SLIT2: variants seen among roughly 807,000 people sequenced by gnomAD.
SLIT2 encodes slit guidance ligand 2, also known as slit homolog 2 protein.
SLIT2 carries 41 observed loss-of-function variants against 185.7 expected under a neutral mutation model. The observed-to-expected ratio is 0.22, with a 90% CI of 0.17 to 0.29. The LOEUF (loss-of-function observed/expected upper bound fraction) is 0.29, where lower values mean the gene tolerates loss of function less well. Ranked by LOEUF, SLIT2 falls within the 10% of genes least tolerant of loss-of-function variation. The pLI is 1.00. For missense variants in SLIT2, 1,571 were observed against 1,909.0 expected (o/e 0.82, Z 3.30); for synonymous variants, 693 against 680.2 (o/e 1.02, Z -0.29).
Position 20,461,721 on chromosome 4 carries a change from C to T in SLIT2, c.396-6031C>T, listed in dbSNP as rs191440209. ...CAGATTGTAGAAGATTGTGATATGT[C>T]AGTGAGAACTCCAGAGTTTTTGGTC... On this transcript the variant is annotated intron_variant, in intron 4 of 36. Transcript: ENST00000504154. 1.3e-4 allele frequency among the ~76,000 whole-genome samples: 20 copies of T among 152,256 alleles called. 1 individual carries two copies. In the East Asian group the frequency reaches 3.7e-3, roughly 28 times the overall value.
At chr4:20,587,434 C>G (rs1727153643) in intron 29 of SLIT2, among the ~76,000 whole-genome samples, 1 of 152,152 alleles carries the variant, frequency 6.6e-6, no homozygotes, top group African/African-American at 2.4e-5. Flanking sequence ...TGCTATTTTG[C>G]TACTCTTGGA....
intron 4 of SLIT2, among the ~76,000 whole-genome samples, chr4:20,333,732 A>T (rs978191246): frequency 2.0e-5 from 3 of 152,200 alleles, no homozygotes; most frequent in Non-Finnish European, 4.4e-5. Context: ...AGCCATAGAC[A>T]GTTCCTTTAT....
intron 4 of SLIT2, among the ~76,000 whole-genome samples, chr4:20,395,397 A>C (rs1031611367): frequency 6.6e-6 from 1 of 152,028 alleles, no homozygotes; most frequent in African/African-American, 2.4e-5. Flanking sequence ...GTTCAAATGC[A>C]TAGGCAGGAA....
intron 18 of SLIT2, among the ~76,000 whole-genome samples, chr4:20,537,308 G>A (rs573521706): frequency 2.0e-4 from 30 of 152,232 alleles, no homozygotes; most frequent in African/African-American, 6.3e-4. Flanking sequence ...TGATGGCCAT[G>A]ACATCTCGAG....
intron 3 of SLIT2, among the ~76,000 whole-genome samples, chr4:20,261,091 C>T (rs770416567): frequency 1.1e-4 from 16 of 151,866 alleles, no homozygotes; most frequent in Non-Finnish European, 1.8e-4. Flanking sequence ...TTTGTTTCTG[C>T]ACTCTCAGAC....
At chr4:20,428,286 C>T (rs1728706000) in intron 4 of SLIT2, among the ~76,000 whole-genome samples, 1 of 152,130 alleles carries the variant, frequency 6.6e-6, no homozygotes, top group Non-Finnish European at 1.5e-5. Flanking sequence ...AAGAAATGCC[C>T]GCATGCCTGC....
chr4:20,341,309 A>G (rs1021616978), intron 4 of SLIT2, among the ~76,000 whole-genome samples: 1 of 152,238 alleles, frequency 6.6e-6, no homozygotes, highest in Non-Finnish European at 1.5e-5. Flanking sequence ...ATGAGATATT[A>G]TACTGAGTCA....
chr4:20,286,109 G>A (rs1305154914), intron 4 of SLIT2, among the ~76,000 whole-genome samples: 2 of 152,242 alleles, frequency 1.3e-5, no homozygotes, highest in Non-Finnish European at 2.9e-5. Flanking sequence ...TTTGAATACA[G>A]TGCAGTGTTC....
At chr4:20,271,684 C>T (rs1159808972) in intron 4 of SLIT2, among the ~76,000 whole-genome samples, 2 of 151,612 alleles carry the variant, frequency 1.3e-5, no homozygotes, top group African/African-American at 4.8e-5. Flanking sequence ...ACTATGTTTT[C>T]CCAGGTATAT....
intron 4 of SLIT2, chr4:20,394,821 G>A (rs1725743709): frequency 6.6e-6 from 1 of 152,028 alleles, no homozygotes; most frequent in African/African-American, 2.4e-5. Flanking sequence ...TTATCCATAG[G>A]GAGTTCTGTA....
chr4:20,589,204 G>T (rs1358646271), intron 29 of SLIT2, among the ~76,000 whole-genome samples: 2 of 152,134 alleles, frequency 1.3e-5, no homozygotes, highest in Non-Finnish European at 2.9e-5. Context: ...GGCTTCTGGG[G>T]TGCTGGTACA....
At chr4:20,609,359 T>C (rs1729034093) in intron 33 of SLIT2, among the ~76,000 whole-genome samples, 2 of 152,344 alleles carry the variant, frequency 1.3e-5, no homozygotes, top group African/African-American at 2.4e-5. Context: ...GATATCACTA[T>C]GTTAAGCATT....
intron 4 of SLIT2, among the ~76,000 whole-genome samples, chr4:20,459,478 A>T (rs1348408251): frequency 6.6e-6 from 1 of 152,234 alleles, no homozygotes; most frequent in Non-Finnish European, 1.5e-5. Context: ...AATCTTGAGT[A>T]AACTAAGCAT....
In SLIT2 at chr4:20,253,635, GGGAGGCGT is replaced by G; in HGVS notation, c.-179_-172del. ...GCCAGAGGAGGGTGGAGAGGGCGGT[GGGAGGCGT>G]GTGCCTGAGTGGGCTCTACTGCCTT... On this transcript the variant is annotated 5_prime_UTR_variant, in exon 1 of 37. Coordinates refer to ENST00000504154, the MANE Select transcript of SLIT2 (RefSeq NM_004787.4). 1.5e-6 allele frequency: 1 copy of G among 657,510 alleles called. No homozygotes were observed. The highest frequency in any genetic ancestry group is 2.9e-5 in the Admixed American group (1 of 34,352). 40.7% of individuals were successfully genotyped at this position (657,510 alleles called of 1,614,324 possible). A position where few individuals can be genotyped will look rare whatever the true frequency, so the allele number is the denominator to read the frequency against.
chr4:20,491,941 T>C (rs769093043), intron 9 of SLIT2, 42 bp downstream of exon 9: 15 of 1,592,488 alleles, frequency 9.4e-6, no homozygotes, highest in Non-Finnish European at 1.3e-5. Flanking sequence ...ACCTTCCCGG[T>C]GAACCAAACT....
chr4:20,547,858 G>A (rs569432378), intron 22 of SLIT2, among the ~76,000 whole-genome samples: 5 of 151,896 alleles, frequency 3.3e-5, no homozygotes, highest in South Asian at 2.1e-4. Context: ...AAAATTCAAC[G>A]TCTCTCCCAT....
chr4:20,485,438 T>C (rs1243550564), intron 6 of SLIT2, among the ~76,000 whole-genome samples: 1 of 152,048 alleles, frequency 6.6e-6, no homozygotes, highest in African/African-American at 2.4e-5. Flanking sequence ...ACTAACAAAG[T>C]TGCACTGGGG....
chr4:20,326,484 C>T (rs1000445151), intron 4 of SLIT2, among the ~76,000 whole-genome samples: 1 of 151,988 alleles, frequency 6.6e-6, no homozygotes, highest in African/African-American at 2.4e-5. Flanking sequence ...GAAAGTATGG[C>T]TACCCGTCTT....
At chr4:20,405,629 A>G (rs1415789743) in intron 4 of SLIT2, among the ~76,000 whole-genome samples, 2 of 151,948 alleles carry the variant, frequency 1.3e-5, no homozygotes, top group East Asian at 3.9e-4. Context: ...AATTTAACCC[A>G]AATGGAAGGT....
Sources: gnomAD v4.1 joint callset for allele counts (sites outside exome capture counted in the v4.1 genomes callset) on GRCh38, gnomAD v4.1.1 for gene constraint, MANE v1.5 for transcripts, NCBI Gene and HGNC (gene_info 2026-07-23, HGNC 2026-07-21) for gene names.